ZNF430: variants seen among roughly 807,000 people sequenced by gnomAD.
ZNF430 encodes zinc finger protein 430.
A neutral mutation model predicts 56.7 loss-of-function variants in ZNF430; 35 were observed. The observed-to-expected ratio is 0.62, with a 90% CI of 0.47 to 0.82. The LOEUF is 0.82. ZNF430 is among the 40% of genes least tolerant of loss of function. The pLI is 0.00. For missense variants in ZNF430, 574 were observed against 661.0 expected (o/e 0.87, Z 1.44); for synonymous variants, 212 against 224.3 (o/e 0.94, Z 0.49).
intron 1 of ZNF430, among the ~76,000 whole-genome samples, chr19:21,021,059 C>T (rs1974288978): frequency 6.6e-6 from 1 of 152,200 alleles, no homozygotes; most frequent in Admixed American, 6.5e-5. Flanking sequence ...GCTCTGCATC[C>T]GCAGCGCCGC....
chr19:21,049,681 A>G (rs140157015), intron 4 of ZNF430: 17 of 151,954 alleles, frequency 1.1e-4, no homozygotes, highest in African/African-American at 3.4e-4. Flanking sequence ...TTCTTGTTAC[A>G]TTTCGTGCAA....
At chr19:21,039,552 C>T (rs7258831) in intron 4 of ZNF430, among the ~76,000 whole-genome samples, 104,352 of 150,980 alleles carry the variant, frequency 0.69, 39,970 homozygotes, top group East Asian at 0.87. Flanking sequence ...CTGCAAACTC[C>T]GCCTCACAGG....
chr19:21,040,379 A>G (rs1361485999), intron 4 of ZNF430, among the ~76,000 whole-genome samples: 2 of 152,184 alleles, frequency 1.3e-5, no homozygotes, highest in African/African-American at 2.4e-5. Context: ...CATAAATGCC[A>G]TGGCACCATT....
intron 4 of ZNF430, among the ~76,000 whole-genome samples, chr19:21,043,718 A>G (rs1968145108): frequency 6.6e-6 from 1 of 152,026 alleles, no homozygotes; most frequent in Non-Finnish European, 1.5e-5. Context: ...CCGTTTTTAC[A>G]ATATTGATTA....
At chr19:21,046,810 C>G (rs938569851) in intron 4 of ZNF430, among the ~76,000 whole-genome samples, 2 of 152,030 alleles carry the variant, frequency 1.3e-5, no homozygotes, top group Admixed American at 1.3e-4. Flanking sequence ...TATTATGTGT[C>G]TTGGGGATGA....
At chr19:21,045,975 CTT>C (rs1387793283) in intron 4 of ZNF430, among the ~76,000 whole-genome samples, 3 of 152,068 alleles carry the variant, frequency 2.0e-5, no homozygotes, top group Admixed American at 2.0e-4. Context: ...GGTCTTGACT[CTT>C]TAATCAGCTT....
At position 21,057,048 on chromosome 19, in the gene ZNF430, C is replaced by A; in HGVS notation, c.740C>A (p.Thr247Asn). The change falls in exon 5 of 5, where the codon ACC becomes AAC. Residue 247 changes from threonine to asparagine, a missense_variant. Thr to Asn is a moderately conservative substitution (Grantham distance 65). Coordinates refer to ENST00000261560, the MANE Select transcript of ZNF430 (RefSeq NM_025189.4). ...ECGKVFNWFS[T>N]LTRHRRIHTG... ...GGTAAAGTCTTTAACTGGTTCTCAA[C>A]CCTTACTAGACACAGAAGAATTCAT... 6.2e-7 allele frequency: 1 copy of A among 1,614,002 alleles called. No homozygotes were observed. Among genetic ancestry groups the A allele is most frequent in the Non-Finnish European group, 8.5e-7 (1 of 1,179,998 alleles).
At chr19:21,040,148 A>G (rs996852039) in intron 4 of ZNF430, among the ~76,000 whole-genome samples, 2 of 152,194 alleles carry the variant, frequency 1.3e-5, no homozygotes, top group African/African-American at 4.8e-5. Context: ...GGTATTCTTT[A>G]ATAAGACTTG....
chr19:21,021,119 C>T (rs1340878490), intron 1 of ZNF430, among the ~76,000 whole-genome samples: 2 of 152,172 alleles, frequency 1.3e-5, no homozygotes, highest in Non-Finnish European at 2.9e-5. Context: ...ACGGGAGAAT[C>T]GTCACGGGAG....
chr19:21,029,003 C>T (rs186127737), intron 2 of ZNF430, among the ~76,000 whole-genome samples: 2 of 152,212 alleles, frequency 1.3e-5, no homozygotes, highest in East Asian at 3.9e-4. Flanking sequence ...TTTTTTCTCC[C>T]CTTATACAAG....
intron 4 of ZNF430, among the ~76,000 whole-genome samples, chr19:21,045,227 C>G (rs1400216795): frequency 6.6e-6 from 1 of 152,072 alleles, no homozygotes; most frequent in Non-Finnish European, 1.5e-5. Context: ...ATAAATTTTC[C>G]CCTTAACACT....
intron 1 of ZNF430, among the ~76,000 whole-genome samples, 172 bp from the exon 2 acceptor site, chr19:21,022,617 G>A (rs2144745677): frequency 6.6e-6 from 1 of 152,124 alleles, no homozygotes; most frequent in South Asian, 2.1e-4. Flanking sequence ...GATGTTTTTG[G>A]GTCAGGGTTT....
chr19:21,050,331 A>G (rs1280733195), intron 4 of ZNF430, among the ~76,000 whole-genome samples: 1 of 152,130 alleles, frequency 6.6e-6, no homozygotes. Context: ...ATACCAATTA[A>G]CTGTGTTTTG....
At chr19:21,050,103 CT>C (rs959461223) in intron 4 of ZNF430, among the ~76,000 whole-genome samples, 2 of 139,744 alleles carry the variant, frequency 1.4e-5, no homozygotes, top group African/African-American at 5.4e-5. Context: ...CCAGGACGGT[CT>C]CGATCTCCTG....
intron 4 of ZNF430, chr19:21,036,118 A>G (rs1967994979): frequency 2.0e-5 from 3 of 151,706 alleles, no homozygotes. Flanking sequence ...TTTTTGTTTC[A>G]CTTTTGTATT....
intron 4 of ZNF430, among the ~76,000 whole-genome samples, chr19:21,040,705 T>TA (rs1568588320): frequency 6.6e-6 from 1 of 152,230 alleles, no homozygotes; most frequent in East Asian, 1.9e-4. Context: ...ACTGATCTTT[T>TA]ATCTAAATTT....
intron 4 of ZNF430, among the ~76,000 whole-genome samples, chr19:21,055,696 C>T (rs1200580580): frequency 6.6e-6 from 1 of 152,096 alleles, no homozygotes; most frequent in Non-Finnish European, 1.5e-5. Flanking sequence ...TCAAGTGATC[C>T]GCCAGCCTTG....
chr19:21,044,113 A>G lies in ZNF430; in HGVS notation c.322+9929A>G, dbSNP rs568670203. ...CTGATTTTCCTGGCCAGAACTTCCA[A>G]TACTACGTTGAATAAGAGTGGTGAG... On this transcript the variant is annotated intron_variant, in intron 4 of 4. Coordinates refer to ENST00000261560, the MANE Select transcript of ZNF430 (RefSeq NM_025189.4). Among the ~76,000 whole-genome samples the G allele has an allele frequency of 2.6e-5, 4 of 151,696 alleles. No individual in the cohort carries two copies. The South Asian group carries it at 6.3e-4, about 24-fold the overall frequency.
At chr19:21,052,958 C>T (rs2144788088) in intron 4 of ZNF430, among the ~76,000 whole-genome samples, 1 of 152,302 alleles carries the variant, frequency 6.6e-6, no homozygotes, top group Middle Eastern at 3.4e-3. Context: ...CCCCTGGTTC[C>T]TCATAGGCTG....
Sources: allele counts gnomAD v4.1 joint callset (sites outside exome capture counted in the v4.1 genomes callset), GRCh38; gene constraint gnomAD v4.1.1; transcripts MANE v1.5; gene names NCBI Gene and HGNC (gene_info 2026-07-23, HGNC 2026-07-21).